Variants in LAMA2 observed in about 807,000 individuals in gnomAD.
The protein encoded by LAMA2 is laminin subunit alpha-2.
LAMA2 carries 269 observed loss-of-function variants against 364.8 expected under a neutral mutation model. The observed-to-expected ratio is 0.74, with a 90% CI of 0.67 to 0.82. The LOEUF is 0.82. Ranked by LOEUF, LAMA2 falls within the 40% of genes least tolerant of loss-of-function variation. LAMA2 has a pLI of 0.00. For synonymous variants in LAMA2, 1,379 were observed against 1,370.6 expected (o/e 1.01, Z -0.14); for missense variants, 3,807 against 3,873.2 (o/e 0.98, Z 0.45).
chr6:128,994,871 AAAG>A (rs1450859633), intron 1 of LAMA2, among the ~76,000 whole-genome samples: 4 of 152,138 alleles, frequency 2.6e-5, no homozygotes, highest in African/African-American at 4.8e-5. Context: ...CTCGGTGAAT[AAAG>A]AAGATTTCTA....
At chr6:129,310,850 G>A (rs1412264181) in intron 22 of LAMA2, among the ~76,000 whole-genome samples, 1 of 152,120 alleles carries the variant, frequency 6.6e-6, no homozygotes, top group Non-Finnish European at 1.5e-5. Flanking sequence ...TCATAGGAAT[G>A]TACAGCCTAT....
At chr6:129,250,928 T>A (rs1428337996) in intron 13 of LAMA2, among the ~76,000 whole-genome samples, 1 of 152,050 alleles carries the variant, frequency 6.6e-6, no homozygotes, top group Non-Finnish European at 1.5e-5. Context: ...CATGTGAATC[T>A]ATGACAAAAT....
intron 40 of LAMA2, among the ~76,000 whole-genome samples, chr6:129,416,889 G>T (rs1343951810): frequency 2.6e-5 from 4 of 152,170 alleles, no homozygotes; most frequent in Admixed American, 6.5e-5. Context: ...GCAGCTCCAG[G>T]TCCTGGCTCT....
At chr6:129,084,915 GA>G (rs1029721246) in intron 3 of LAMA2, among the ~76,000 whole-genome samples, 39 of 152,140 alleles carry the variant, frequency 2.6e-4, no homozygotes, top group African/African-American at 9.2e-4. Context: ...GTTCATAGTA[GA>G]ATTACATGGT....
At chr6:129,249,274 T>C (rs914210405) in intron 12 of LAMA2, among the ~76,000 whole-genome samples, 9 of 152,180 alleles carry the variant, frequency 5.9e-5, no homozygotes, top group Non-Finnish European at 1.3e-4. Flanking sequence ...TGAATATCTC[T>C]ATTTACAGTG....
At chr6:129,156,385 T>C (rs1007196853) in intron 8 of LAMA2, among the ~76,000 whole-genome samples, 7 of 152,066 alleles carry the variant, frequency 4.6e-5, no homozygotes, top group African/African-American at 1.7e-4. Flanking sequence ...AGATCTTGCA[T>C]GTCTTTTGTT....
intron 3 of LAMA2, among the ~76,000 whole-genome samples, chr6:129,060,528 C>G (rs1442640408): frequency 6.6e-6 from 1 of 152,218 alleles, no homozygotes; most frequent in Non-Finnish European, 1.5e-5. Flanking sequence ...GAATCGCCAG[C>G]ACCTCAAATT....
At chr6:129,416,177 C>T (rs1780780198) in intron 40 of LAMA2, among the ~76,000 whole-genome samples, 1 of 40,512 alleles carries the variant, frequency 2.5e-5, no homozygotes, top group South Asian at 8.4e-4. Flanking sequence ...TCTCGATCTC[C>T]TGACCTCGTG....
At chr6:129,081,590 C>T (rs1774061270) in intron 3 of LAMA2, among the ~76,000 whole-genome samples, 1 of 152,108 alleles carries the variant, frequency 6.6e-6, no homozygotes, top group South Asian at 2.1e-4. Context: ...ATAGGTTAAA[C>T]ACTGTGCTGG....
intron 1 of LAMA2, among the ~76,000 whole-genome samples, chr6:128,982,036 T>C (rs1278673524): frequency 6.6e-6 from 1 of 152,188 alleles, no homozygotes; most frequent in Non-Finnish European, 1.5e-5. Context: ...TTGTCTTCTT[T>C]ACTGCATTGC....
At chr6:128,951,760 G>A (rs1235175482) in intron 1 of LAMA2, among the ~76,000 whole-genome samples, 2 of 152,122 alleles carry the variant, frequency 1.3e-5, no homozygotes, top group Non-Finnish European at 2.9e-5. Context: ...TCACAGAAAT[G>A]TTGTTTATCC....
At chr6:128,942,180 T>C (rs1780201933) in intron 1 of LAMA2, among the ~76,000 whole-genome samples, 1 of 152,172 alleles carries the variant, frequency 6.6e-6, no homozygotes, top group Admixed American at 6.5e-5. Flanking sequence ...TTCATAGCCA[T>C]AACTTTCGTG....
At chr6:129,490,193 C>T (rs747638971) in intron 56 of LAMA2, among the ~76,000 whole-genome samples, 47 of 152,182 alleles carry the variant, frequency 3.1e-4, no homozygotes, top group Admixed American at 3.9e-4. Flanking sequence ...TTAAGTAATA[C>T]AGCCTCAGGG....
In LAMA2 at chr6:128,935,993, G is replaced by A. The variant is rs897304257; in HGVS notation, c.112+52636G>A. On this transcript the variant is annotated intron_variant, in intron 1 of 64. Coordinates refer to ENST00000421865, the MANE Select transcript of LAMA2 (RefSeq NM_000426.4). The stretch of plus-strand genomic sequence containing the variant: ...GGCCAGTTTCCCCGATGCTTTTCTT[G>A]TGATAGTGAGTGAGTTCTCATGAGC... Among the ~76,000 whole-genome samples the A allele has an allele frequency of 7.9e-5, 12 of 152,152 alleles. No individual in the cohort carries two copies. In the East Asian group the frequency reaches 2.1e-3, roughly 27 times the overall value.
At chr6:129,004,615 G>T (rs983655479) in intron 1 of LAMA2, among the ~76,000 whole-genome samples, 3 of 152,010 alleles carry the variant, frequency 2.0e-5, no homozygotes, top group Non-Finnish European at 4.4e-5. Flanking sequence ...GTAAACACAC[G>T]TTGACTTAAA....
rs538798738 is a variant in LAMA2, at chr6:128,959,982, C to A, written c.112+76625C>A. On this transcript the variant is annotated intron_variant, in intron 1 of 64. Coordinates refer to ENST00000421865, the MANE Select transcript of LAMA2 (RefSeq NM_000426.4). ...TAAACACCTAGAAAAGTGCCTGGCG[C>A]ATGTTAGAAATTAGAAAGTATTTCT... 2.6e-5 allele frequency among the ~76,000 whole-genome samples: 4 copies of A among 152,096 alleles called. No homozygotes were observed. In the South Asian group the frequency reaches 6.2e-4, roughly 24 times the overall value.
At chr6:129,195,942 G>T (rs1163163015) in intron 12 of LAMA2, among the ~76,000 whole-genome samples, 1 of 152,174 alleles carries the variant, frequency 6.6e-6, no homozygotes, top group African/African-American at 2.4e-5. Flanking sequence ...AGTTGAGGCA[G>T]CTTCCAAAAG....
At chr6:129,200,212 G>GTGTATATATACGTGTACACATATACATA (rs1782137373) in intron 12 of LAMA2, among the ~76,000 whole-genome samples, 1 of 133,522 alleles carries the variant, frequency 7.5e-6, no homozygotes, top group African/African-American at 3.0e-5. Flanking sequence ...ACATATACAT[G>GTGTATATATACGTGTACACATATACATA]TGTATATATA....
At chr6:128,893,224 G>A (rs1776568509) in intron 1 of LAMA2, among the ~76,000 whole-genome samples, 1 of 151,720 alleles carries the variant, frequency 6.6e-6, no homozygotes, top group Admixed American at 6.6e-5. Flanking sequence ...ATTTCATGGG[G>A]TTGTTATAAG....
Sources: allele counts gnomAD v4.1 joint callset (sites outside exome capture counted in the v4.1 genomes callset), GRCh38; gene constraint gnomAD v4.1.1; transcripts MANE v1.5; gene names NCBI Gene and HGNC (gene_info 2026-07-23, HGNC 2026-07-21).